The following CDK5RAP2 variants were observed in gnomAD, a reference collection of about 807,000 sequenced individuals.
The protein encoded by CDK5RAP2 is CDK5 regulatory subunit-associated protein 2.
In CDK5RAP2, 147 loss-of-function variants were observed where a neutral mutation model predicts 232.9. The ratio of observed to expected loss-of-function variants is 0.63; its 90% confidence interval spans 0.55 to 0.72. The LOEUF (loss-of-function observed/expected upper bound fraction) is 0.72, where lower values mean the gene tolerates loss of function less well. CDK5RAP2 is among the 30% of genes least tolerant of loss of function. The pLI, the probability that CDK5RAP2 is intolerant of heterozygous loss-of-function variation, is 0.00. For synonymous variants in CDK5RAP2, 833 were observed against 833.7 expected (o/e 1.00, Z 0.01); for missense variants, 2,195 against 2,231.5 (o/e 0.98, Z 0.33).
intron 18 of CDK5RAP2, among the ~76,000 whole-genome samples, chr9:120,466,251 G>A (rs564523448): frequency 3.4e-4 from 51 of 152,184 alleles, no homozygotes; most frequent in Middle Eastern, 3.4e-3. Flanking sequence ...CTCATCAAAG[G>A]AGAACCACGC....
intron 35 of CDK5RAP2, among the ~76,000 whole-genome samples, chr9:120,399,139 G>A (rs1487462907): frequency 6.6e-6 from 1 of 152,184 alleles, no homozygotes; most frequent in Non-Finnish European, 1.5e-5. Flanking sequence ...GGGTACTCAG[G>A]AGCACCAACC....
chr9:120,464,635 G>A (rs1451997332), intron 18 of CDK5RAP2, among the ~76,000 whole-genome samples: 1 of 152,038 alleles, frequency 6.6e-6, no homozygotes, highest in African/African-American at 2.4e-5. Context: ...ACAAGAATCT[G>A]CATTTTAACA....
At chr9:120,430,542 C>A (rs984211823) in intron 25 of CDK5RAP2, among the ~76,000 whole-genome samples, 12 of 151,956 alleles carry the variant, frequency 7.9e-5, no homozygotes, top group Admixed American at 7.2e-4. Context: ...CAGAGAAATG[C>A]AAATCAAAAC....
intron 22 of CDK5RAP2, among the ~76,000 whole-genome samples, chr9:120,444,804 T>A (rs918804194): frequency 6.6e-6 from 1 of 152,234 alleles, no homozygotes; most frequent in Non-Finnish European, 1.5e-5. Context: ...TTAGTCACAG[T>A]GTGACTGTAG....
chr9:120,465,384 T>G (rs965918074), intron 18 of CDK5RAP2, among the ~76,000 whole-genome samples: 1 of 152,204 alleles, frequency 6.6e-6, no homozygotes, highest in Non-Finnish European at 1.5e-5. Context: ...CATTAGAGAT[T>G]TTTTTAAATG....
rs760808747 is a variant in CDK5RAP2, at chr9:120,573,916, A to C, written c.60-1875T>G. ...GATGGTGGTCCAGAAGCCCAAGGTCACATACACCAGGTTATTGGCCAAGCT... is the reference window on the plus strand; with the variant it reads ...GATGGTGGTCCAGAAGCCCAAGGTCCCATACACCAGGTTATTGGCCAAGCT... On this transcript the variant is annotated intron_variant, in intron 1 of 37. Transcript: ENST00000349780. Among the ~76,000 whole-genome samples the C allele has an allele frequency of 2.0e-5, 3 of 152,222 alleles. No individual in the cohort carries two copies. The East Asian group carries it at 5.8e-4, about 29-fold the overall frequency.
rs775627828 is a variant in CDK5RAP2, at chr9:120,415,080, T to C, written c.4257A>G (p.Leu1419=). Reference sequence around the variant, plus strand: ...ATCCTTGCCGTTCCAACTGTTTCCGTAGCTTCTCATTTGTTTTAATAGATT... The same window carrying C: ...ATCCTTGCCGTTCCAACTGTTTCCGCAGCTTCTCATTTGTTTTAATAGATT... ...LEESIKTNEK[L]RKQLERQGSE... is the part of the protein sequence containing the mutation. Residue 1419 remains leucine, a synonymous_variant, in exon 28 of 38, where the codon CTA becomes CTG. Coordinates refer to ENST00000349780, the MANE Select transcript of CDK5RAP2 (RefSeq NM_018249.6). The C allele has an allele frequency of 4.3e-6, 7 of 1,614,084 alleles. No homozygotes were observed. Among genetic ancestry groups the C allele is most frequent in the South Asian group, 3.3e-5 (3 of 91,092 alleles).
rs2043192330 is a variant in CDK5RAP2 at position 120,580,128 on chromosome 9, A to G, written c.-150T>C. The G allele has an allele frequency of 1.7e-6, 1 of 584,478 alleles. No individual in the cohort carries two copies. The highest frequency in any genetic ancestry group is 2.2e-5 in the South Asian group (1 of 46,252). The allele number at this position is 584,478 out of a possible 1,614,324, so 36.2% of individuals were successfully genotyped here. A position where few individuals can be genotyped will look rare whatever the true frequency, so the allele number is the denominator to read the frequency against. ...GCGGCGCCGCTGGAATTCAAACCACAGACGCCGCCATCTTTCCCGGCGCTT... is the reference window on the plus strand; with the variant it reads ...GCGGCGCCGCTGGAATTCAAACCACGGACGCCGCCATCTTTCCCGGCGCTT... On this transcript the variant is annotated 5_prime_UTR_variant, in exon 1 of 38. Coordinates refer to ENST00000349780, the MANE Select transcript of CDK5RAP2 (RefSeq NM_018249.6).
intron 18 of CDK5RAP2, among the ~76,000 whole-genome samples, chr9:120,460,931 G>T (rs2037053992): frequency 6.6e-6 from 1 of 152,208 alleles, no homozygotes; most frequent in East Asian, 1.9e-4. Flanking sequence ...ATTGCCCCTT[G>T]CCCTTGCATG....
At chr9:120,425,046 G>C (rs2034808526) in intron 25 of CDK5RAP2, among the ~76,000 whole-genome samples, 1 of 152,034 alleles carries the variant, frequency 6.6e-6, no homozygotes, top group African/African-American at 2.4e-5. Context: ...ACTTCACAGG[G>C]TGGGGACCCT....
Position 120,403,755 on chromosome 9 carries a change from G to A in CDK5RAP2, c.5041+281C>T. 2.0e-6 allele frequency: 1 copy of A among 490,074 alleles called. No individual in the cohort carries two copies. Among genetic ancestry groups the A allele is most frequent in the South Asian group, 2.1e-5 (1 of 48,654 alleles). The allele number at this position is 490,074 out of a possible 1,614,324, so 30.4% of individuals were successfully genotyped here. ...AGGGATAAGGCTGGACGGACCCACT[G>A]GAGCTGGATCCTGGAGGGCCTTGAA... On this transcript the variant is annotated intron_variant, in intron 33 of 37. Coordinates refer to ENST00000349780, the MANE Select transcript of CDK5RAP2 (RefSeq NM_018249.6). The surrounding 1 kb of genome is among the most constrained non-coding windows in gnomAD (Gnocchi z 4.2).
At chr9:120,546,934 A>C (rs549981728) in intron 4 of CDK5RAP2, among the ~76,000 whole-genome samples, 3 of 151,956 alleles carry the variant, frequency 2.0e-5, no homozygotes, top group African/African-American at 7.2e-5. Flanking sequence ...TATTTTAATA[A>C]TCCATGCCAA....
intron 3 of CDK5RAP2, among the ~76,000 whole-genome samples, chr9:120,558,536 C>T (rs545234270): frequency 6.6e-6 from 1 of 152,196 alleles, no homozygotes; most frequent in East Asian, 1.9e-4. Flanking sequence ...CTGCCACAGC[C>T]ACAAAGTGCT....
rs565786822 is a variant in CDK5RAP2, at chr9:120,454,412, C to T, written c.2376-539G>A. 3.0e-4 allele frequency among the ~76,000 whole-genome samples: 45 copies of T among 152,200 alleles called. 1 individual carries two copies. Among genetic ancestry groups the T allele is most frequent in the Admixed American group, 2.6e-4 (4 of 15,284 alleles). On this transcript the variant is annotated intron_variant, in intron 20 of 37. Transcript: ENST00000349780. ...ATTTGTACACAGGCAGAGTAGAAAG[C>T]GCATTGGCTCTGAAGATGGATACAA... is the stretch of plus-strand genomic sequence containing the variant.
At chr9:120,475,243 G>A (rs2037939451) in intron 15 of CDK5RAP2, among the ~76,000 whole-genome samples, 1 of 152,190 alleles carries the variant, frequency 6.6e-6, no homozygotes, top group African/African-American at 2.4e-5. Context: ...GAGCTGAGAT[G>A]TGGACCTAGG....
In CDK5RAP2 at chr9:120,528,802, GA is replaced by G; in HGVS notation, c.826-6del. The G allele has an allele frequency of 6.2e-7, 1 of 1,607,646 alleles. No individual in the cohort carries two copies. Among genetic ancestry groups the G allele is most frequent in the Non-Finnish European group, 8.5e-7 (1 of 1,174,054 alleles). On this transcript the variant is annotated splice_region_variant and splice_polypyrimidine_tract_variant and intron_variant, in intron 8 of 37. Transcript: ENST00000349780. ...CTGATGCTCCATTTGTGCAGCCTAAGAAAAGGCATTAATTGGTGTGAAGAAG... is the reference window on the plus strand; with the variant it reads ...CTGATGCTCCATTTGTGCAGCCTAAGAAAGGCATTAATTGGTGTGAAGAAG...
At position 120,572,000 on chromosome 9, in the gene CDK5RAP2, T is replaced by C. The variant is rs761031619; in HGVS notation, c.101A>G (p.Asn34Ser). The change falls in exon 2 of 38, where the codon AAC becomes AGC. Residue 34 changes from asparagine to serine, a missense_variant. By Grantham distance (46) the Asn-to-Ser change is conservative. Transcript: ENST00000349780. ...PSVPDDLDGINPNAGLGNGLL... is the reference protein window; with the variant it reads ...PSVPDDLDGISPNAGLGNGLL... The stretch of plus-strand genomic sequence containing the variant: ...ACCATTTCCCAACCCAGCATTGGGG[T>C]TGATGCCATCCAGGTCATCTGGTAC... 1.9e-6 allele frequency: 3 copies of C among 1,613,880 alleles called. No homozygotes were observed. The highest frequency in any genetic ancestry group is 2.5e-6 in the Non-Finnish European group (3 of 1,179,904).
At chr9:120,494,975 G>A (rs1756277322) in intron 12 of CDK5RAP2, among the ~76,000 whole-genome samples, 1 of 132,250 alleles carries the variant, frequency 7.6e-6, no homozygotes, top group East Asian at 2.5e-4. Context: ...AGCCGCCGCC[G>A]CCCGACCGCC....
At chr9:120,460,546 T>C (rs1244306518) in intron 19 of CDK5RAP2, 26 bp downstream of exon 19, 18 of 1,608,240 alleles carry the variant, frequency 1.1e-5, no homozygotes, top group Non-Finnish European at 1.4e-5. Flanking sequence ...GTAGATGAAA[T>C]AAGGAGTTAA....
Sources: allele counts gnomAD v4.1 joint callset (sites outside exome capture counted in the v4.1 genomes callset), GRCh38; gene constraint gnomAD v4.1.1; non-coding constraint Gnocchi (gnomAD v3.1); transcripts MANE v1.5; gene names NCBI Gene and HGNC (gene_info 2026-07-23, HGNC 2026-07-21).